GRID2: variants seen among roughly 807,000 people sequenced by gnomAD.
GRID2 encodes glutamate receptor ionotropic, delta-2.
GRID2 carries 33 observed loss-of-function variants against 114.8 expected under a neutral mutation model. The observed-to-expected ratio is 0.29, with a 90% CI of 0.22 to 0.38. The LOEUF is 0.38. GRID2 is among the 10% of genes least tolerant of loss of function. GRID2 has a pLI of 1.00. For synonymous variants in GRID2, 505 were observed against 449.9 expected (o/e 1.12, Z -1.55); for missense variants, 1,184 against 1,257.7 (o/e 0.94, Z 0.89).
intron 13 of GRID2, among the ~76,000 whole-genome samples, chr4:93,546,332 C>T (rs1382123955): frequency 1.3e-5 from 2 of 152,074 alleles, no homozygotes; most frequent in Non-Finnish European, 2.9e-5. Flanking sequence ...TGGGAATTAT[C>T]AGAATACAGA....
Position 93,243,592 on chromosome 4 carries a change from G to A in GRID2, c.1245+5102G>A, listed in dbSNP as rs539497422. Among the ~76,000 whole-genome samples, 15 of 152,122 alleles carry A rather than the reference G, an allele frequency of 9.9e-5. No individual in the cohort carries two copies. The East Asian group carries it at 2.9e-3, about 29-fold the overall frequency. ...TCATAAACTAAACAGAGTTTTGTCT[G>A]CTCAGGATTTGAATGTGTGATGTAC... On this transcript the variant is annotated intron_variant, in intron 8 of 15. Coordinates refer to ENST00000282020, the MANE Select transcript of GRID2 (RefSeq NM_001510.4).
At chr4:93,317,610 C>T (rs1341856155) in intron 8 of GRID2, among the ~76,000 whole-genome samples, 1 of 152,080 alleles carries the variant, frequency 6.6e-6, no homozygotes, top group Non-Finnish European at 1.5e-5. Flanking sequence ...TATCCCCAAA[C>T]TGCAATGCTG....
At chr4:93,034,351 C>G (rs189111736) in intron 2 of GRID2, among the ~76,000 whole-genome samples, 102 of 152,202 alleles carry the variant, frequency 6.7e-4, no homozygotes, top group African/African-American at 2.4e-3. Flanking sequence ...AAACCTTGTA[C>G]GTCAGCACCT....
At chr4:92,941,443 T>C (rs995865842) in intron 2 of GRID2, among the ~76,000 whole-genome samples, 3 of 152,194 alleles carry the variant, frequency 2.0e-5, no homozygotes, top group African/African-American at 7.2e-5. Context: ...ATTGTGTCTA[T>C]TTGATTCTTC....
At chr4:93,338,478 C>G (rs1309033818) in intron 8 of GRID2, among the ~76,000 whole-genome samples, 2 of 152,020 alleles carry the variant, frequency 1.3e-5, no homozygotes, top group Non-Finnish European at 2.9e-5. Flanking sequence ...GAATCATTCT[C>G]AAGAATGTAG....
chr4:92,596,998 A>G (rs944984335), intron 2 of GRID2, among the ~76,000 whole-genome samples: 5 of 152,092 alleles, frequency 3.3e-5, no homozygotes, highest in Admixed American at 3.3e-4. Flanking sequence ...AATTGTGTTA[A>G]TAATAGAAGG....
chr4:93,745,395 G>A (rs552679799), intron 14 of GRID2, among the ~76,000 whole-genome samples: 1 of 152,240 alleles, frequency 6.6e-6, no homozygotes, highest in South Asian at 2.1e-4. Flanking sequence ...CTTAGCTACA[G>A]AATTCTTATT....
intron 2 of GRID2, among the ~76,000 whole-genome samples, chr4:92,896,990 C>T (rs1018381286): frequency 1.3e-5 from 2 of 152,090 alleles, no homozygotes; most frequent in South Asian, 2.1e-4. Flanking sequence ...GATCCACCTT[C>T]CTCGGTCTCC....
At chr4:93,645,683 G>A (rs569762488) in intron 14 of GRID2, among the ~76,000 whole-genome samples, 1 of 152,062 alleles carries the variant, frequency 6.6e-6, no homozygotes, top group African/African-American at 2.4e-5. Flanking sequence ...TACATTTTGT[G>A]GACCTCACCT....
intron 8 of GRID2, among the ~76,000 whole-genome samples, chr4:93,307,263 G>T (rs954906689): frequency 6.6e-6 from 1 of 151,870 alleles, no homozygotes; most frequent in East Asian, 1.9e-4. Flanking sequence ...ATAACCTATT[G>T]TGGTATTGTG....
At chr4:93,201,418 G>C (rs1371197298) in intron 4 of GRID2, among the ~76,000 whole-genome samples, 1 of 152,142 alleles carries the variant, frequency 6.6e-6, no homozygotes, top group African/African-American at 2.4e-5. Context: ...TGTTTCTCTA[G>C]CCACTTGTTC....
intron 2 of GRID2, among the ~76,000 whole-genome samples, chr4:92,599,680 T>A (rs1729108929): frequency 1.3e-5 from 2 of 152,126 alleles, no homozygotes; most frequent in African/African-American, 4.8e-5. Flanking sequence ...GTCCATTTCT[T>A]AAGCTATATT....
intron 11 of GRID2, among the ~76,000 whole-genome samples, chr4:93,487,057 A>G (rs1580221091): frequency 6.6e-6 from 1 of 151,772 alleles, no homozygotes; most frequent in Non-Finnish European, 1.5e-5. Flanking sequence ...GAACTTTTTT[A>G]GGAACTTGTC....
intron 9 of GRID2, among the ~76,000 whole-genome samples, chr4:93,411,865 G>C (rs572760398): frequency 6.6e-6 from 1 of 150,628 alleles, no homozygotes; most frequent in Non-Finnish European, 1.5e-5. Context: ...ACTGTTGACA[G>C]TTTTATTTCT....
At chr4:93,589,276 C>G (rs1737890406) in intron 13 of GRID2, among the ~76,000 whole-genome samples, 3 of 148,422 alleles carry the variant, frequency 2.0e-5, no homozygotes, top group Non-Finnish European at 4.4e-5. Context: ...TGTTCAATTC[C>G]CACCTATGAG....
chr4:92,955,585 T>C lies in GRID2; in HGVS notation c.245-129410T>C, dbSNP rs1187051433. On this transcript the variant is annotated intron_variant, in intron 2 of 15. Transcript: ENST00000282020. The stretch of plus-strand genomic sequence containing the variant: ...GTAGGTTGCCTGTTCTCTCTGATGG[T>C]AGTTTCTTTTGCTGTGCAGAAGCTC... Among the ~76,000 whole-genome samples the C allele has an allele frequency of 6.6e-5, 10 of 152,280 alleles. No homozygotes were observed. The East Asian group carries it at 1.9e-3, about 29-fold the overall frequency.
Position 92,712,791 on chromosome 4 carries a change from A to C in GRID2, c.244+122505A>C, listed in dbSNP as rs1445399588. 3.9e-5 allele frequency among the ~76,000 whole-genome samples: 6 copies of C among 152,072 alleles called. No homozygotes were observed. The East Asian group carries it at 1.2e-3, about 29-fold the overall frequency. ...CTGTGTTACACATTTCTTTAGGTAA[A>C]TGTATACAAATAGATTATTTAGCTT... On this transcript the variant is annotated intron_variant, in intron 2 of 15. Transcript: ENST00000282020.
chr4:93,110,930 A>G lies in GRID2; in HGVS notation c.712A>G (p.Thr238Ala), dbSNP rs1732706159. ...RRAILVMNPA[T>A]AKSFITEVVE... is the part of the protein sequence containing the mutation. ...AGCGATCCTTGTTATGAATCCTGCTACAGCCAAATCCTTCATTACTGAGGT... is the reference window on the plus strand; with the variant it reads ...AGCGATCCTTGTTATGAATCCTGCTGCAGCCAAATCCTTCATTACTGAGGT... Residue 238 changes from threonine to alanine, a missense_variant, in exon 4 of 16, where the codon ACA (threonine) becomes GCA (alanine). Thr to Ala is a moderately conservative substitution (Grantham distance 58). Around this residue, in one of 3 missense-constraint regions of GRID2, gnomAD observed 455 missense variants for 429.5 expected, o/e 1.06. Transcript: ENST00000282020. 10 of 1,610,288 alleles carry G rather than the reference A, an allele frequency of 6.2e-6. No individual in the cohort carries two copies. Among genetic ancestry groups the G allele is most frequent in the Non-Finnish European group, 8.5e-6 (10 of 1,176,580 alleles).
At chr4:93,325,582 T>A (rs1201467818) in intron 8 of GRID2, among the ~76,000 whole-genome samples, 1 of 152,018 alleles carries the variant, frequency 6.6e-6, no homozygotes, top group Non-Finnish European at 1.5e-5. Context: ...ACTATTTAAT[T>A]AAACTACAGT....
Sources: gnomAD v4.1 joint callset for allele counts (sites outside exome capture counted in the v4.1 genomes callset) on GRCh38, gnomAD v4.1.1 for gene constraint, gnomAD v4.1.1 regional missense constraint, MANE v1.5 for transcripts, NCBI Gene and HGNC (gene_info 2026-07-23, HGNC 2026-07-21) for gene names.